Variants in TBC1D2 observed in about 807,000 individuals in gnomAD.
TBC1D2 encodes TBC1 domain family member 2.
A neutral mutation model predicts 91.1 loss-of-function variants in TBC1D2; 58 were observed. That is an observed-to-expected ratio of 0.64 (90% CI 0.52 to 0.79). The LOEUF (loss-of-function observed/expected upper bound fraction) is 0.79. Among genes scored for constraint, TBC1D2 ranks in the 30% least tolerant of loss-of-function variants. The pLI is 0.00. For missense variants in TBC1D2, 1,080 were observed against 1,208.3 expected (o/e 0.89, Z 1.57); for synonymous variants, 482 against 511.5 (o/e 0.94, Z 0.78).
At chr9:98,239,414 T>C (rs1829584549) in intron 3 of TBC1D2, among the ~76,000 whole-genome samples, 1 of 152,268 alleles carries the variant, frequency 6.6e-6, no homozygotes, top group Non-Finnish European at 1.5e-5. Context: ...AAATGCTTTT[T>C]CTCAGTCTAC....
intron 3 of TBC1D2, among the ~76,000 whole-genome samples, chr9:98,240,578 CAGGGCCATATCCCTAT>C (rs1829614854): frequency 6.6e-6 from 1 of 152,178 alleles, no homozygotes; most frequent in Non-Finnish European, 1.5e-5. Flanking sequence ...GAGAGGGACA[CAGGGCCATATCCCTAT>C]AGCTAGAGGC....
chr9:98,226,630 G>A (rs73657121), intron 5 of TBC1D2, among the ~76,000 whole-genome samples: 55 of 152,304 alleles, frequency 3.6e-4, no homozygotes, highest in African/African-American at 1.3e-3. Context: ...TTGTGGAATG[G>A]GTTGGAGAGT....
At chr9:98,247,471 G>A (rs1199400122) in intron 2 of TBC1D2, among the ~76,000 whole-genome samples, 1 of 152,078 alleles carries the variant, frequency 6.6e-6, no homozygotes, top group African/African-American at 2.4e-5. Context: ...GCTCACGCCT[G>A]TAATCCCAGC....
Position 98,233,442 on chromosome 9 carries a change from G to A in TBC1D2, c.755C>T (p.Pro252Leu). The change falls in exon 4 of 13, where the codon CCC becomes CTC. Residue 252 changes from proline to leucine, a missense_variant. Pro to Leu is a moderately conservative substitution (Grantham distance 98). Coordinates refer to ENST00000465784, the MANE Select transcript of TBC1D2 (RefSeq NM_001267571.2). ...QSGEPQREEQ[P>L]LASDASTPGR... ...TGGGGTGCTGGCGTCAGAGGCCAAG[G>A]GCTGCTCCTCCCTCTGAGGCTCCCC... 6.2e-7 allele frequency: 1 copy of A among 1,614,082 alleles called. No individual in the cohort carries two copies. Among genetic ancestry groups the A allele is most frequent in the South Asian group, 1.1e-5 (1 of 91,084 alleles).
chr9:98,254,834 A>G (rs140601190), intron 1 of TBC1D2, among the ~76,000 whole-genome samples: 2 of 152,360 alleles, frequency 1.3e-5, no homozygotes, highest in Admixed American at 1.3e-4. Flanking sequence ...CTGCACTGTC[A>G]GGCACACCCA....
At chr9:98,224,211 G>A (rs113789680) in intron 5 of TBC1D2, among the ~76,000 whole-genome samples, 100 of 47,754 alleles carry the variant, frequency 2.1e-3, no homozygotes, top group African/African-American at 0.01. Flanking sequence ...AAAAAAAAAA[G>A]AAAAGAAAAG....
chr9:98,200,786 C>T (rs12349671), intron 11 of TBC1D2, among the ~76,000 whole-genome samples: 17 of 152,046 alleles, frequency 1.1e-4, no homozygotes, highest in African/African-American at 2.4e-4. Flanking sequence ...AAGGCTGACA[C>T]GGGTGGATCA....
intron 7 of TBC1D2, among the ~76,000 whole-genome samples, chr9:98,212,061 C>T (rs28549704): frequency 0.074 from 11,183 of 151,970 alleles, 478 homozygotes; most frequent in African/African-American, 0.11. Context: ...CCTCCCAAAG[C>T]GCTGGGATTA....
chr9:98,249,659 A>G (rs936470670), intron 2 of TBC1D2, among the ~76,000 whole-genome samples: 2 of 152,208 alleles, frequency 1.3e-5, no homozygotes, highest in Admixed American at 1.3e-4. Flanking sequence ...AGAAATTACT[A>G]ATGATTATTA....
chr9:98,236,238 G>T (rs969074233), intron 3 of TBC1D2, among the ~76,000 whole-genome samples: 1 of 150,402 alleles, frequency 6.6e-6, no homozygotes, highest in Non-Finnish European at 1.5e-5. Flanking sequence ...TGTTGTTGTT[G>T]TTTGAGATGG....
At chr9:98,246,766 C>A (rs1829771833) in intron 2 of TBC1D2, among the ~76,000 whole-genome samples, 1 of 152,018 alleles carries the variant, frequency 6.6e-6, no homozygotes, top group Non-Finnish European at 1.5e-5. Flanking sequence ...CAGGAAAGAT[C>A]TTCCTATGCC....
intron 4 of TBC1D2, among the ~76,000 whole-genome samples, chr9:98,232,093 C>T (rs1042232619): frequency 6.6e-6 from 1 of 152,076 alleles, no homozygotes; most frequent in Non-Finnish European, 1.5e-5. Flanking sequence ...TGAGGATATA[C>T]AGAAAGCCAC....
At chr9:98,224,166 T>C (rs183154802) in intron 5 of TBC1D2, among the ~76,000 whole-genome samples, 2,252 of 142,974 alleles carry the variant, frequency 0.016, 62 homozygotes, top group African/African-American at 0.055. Context: ...CACTGCACTC[T>C]AGCCTGGGCG....
chr9:98,234,299 G>A (rs898330491), intron 3 of TBC1D2, among the ~76,000 whole-genome samples: 4 of 152,134 alleles, frequency 2.6e-5, no homozygotes, highest in Admixed American at 2.6e-4. Context: ...TACATGTTTG[G>A]TTTATAGAAG....
Position 98,199,347 on chromosome 9 carries a change from G to T in TBC1D2, c.*34C>A. On this transcript the variant is annotated 3_prime_UTR_variant, in exon 13 of 13. Transcript: ENST00000465784. ...CCTCCAGTGGGTCTGCCAGCCAAGG[G>T]TGAGGAAGGCTGTGGGGAGGGGAGG... 1 of 1,610,778 alleles carries T rather than the reference G, an allele frequency of 6.2e-7. No individual in the cohort carries two copies. Among genetic ancestry groups the T allele is most frequent in the Non-Finnish European group, 8.5e-7 (1 of 1,178,792 alleles).
At position 98,255,178 on chromosome 9, in the gene TBC1D2, G is replaced by A; in HGVS notation, c.364C>T (p.Leu122=). The A allele has an allele frequency of 6.2e-7, 1 of 1,602,382 alleles. No individual in the cohort carries two copies. The highest frequency in any genetic ancestry group is 1.1e-5 in the South Asian group (1 of 90,538). Residue 122 remains leucine, a synonymous_variant, in exon 1 of 13, where the codon CTG becomes TTG. Transcript: ENST00000465784. ...AAGTCGTTGCAGGAATTTACCTTCAGGGTAATAACCCGGCTGGGAGTCTTG... is the reference window on the plus strand; with the variant it reads ...AAGTCGTTGCAGGAATTTACCTTCAAGGTAATAACCCGGCTGGGAGTCTTG... The part of the protein sequence containing the change: ...EIKTPSRVIT[L]KAATKQAMLY...
Position 98,208,976 on chromosome 9 carries a change from G to C in TBC1D2, c.1842C>G (p.Pro614=). ...ERWAALGDLV[P]SAELKQLLRA... The stretch of plus-strand genomic sequence containing the variant: ...GCAGTAGCTGCTTGAGCTCGGCTGA[G>C]GGCACAAGATCGCCCAGGGCAGCCC... The change falls in exon 9 of 13, where the codon CCC becomes CCG. Residue 614 remains proline, a synonymous_variant. Transcript: ENST00000465784. 1 of 1,614,138 alleles carries C rather than the reference G, an allele frequency of 6.2e-7. No individual in the cohort carries two copies. Among genetic ancestry groups the C allele is most frequent in the Non-Finnish European group, 8.5e-7 (1 of 1,180,024 alleles).
At chr9:98,219,504 T>C (rs1263822583) in intron 6 of TBC1D2, among the ~76,000 whole-genome samples, 3 of 152,206 alleles carry the variant, frequency 2.0e-5, no homozygotes, top group South Asian at 4.1e-4. Flanking sequence ...AAATGCGTCA[T>C]TAGGTGATTT....
chr9:98,242,803 C>CTTTTTTTTTTTTTTT (rs36035887), intron 3 of TBC1D2, among the ~76,000 whole-genome samples: 1 of 83,174 alleles, frequency 1.2e-5, no homozygotes, highest in African/African-American at 5.3e-5. Context: ...ACACTGCTGC[C>CTTTTTTTTTTTTTTT]TTTTTTTTTT....
Sources: allele counts gnomAD v4.1 joint callset (sites outside exome capture counted in the v4.1 genomes callset), GRCh38; gene constraint gnomAD v4.1.1; transcripts MANE v1.5; gene names NCBI Gene and HGNC (gene_info 2026-07-23, HGNC 2026-07-21).